Variants in ABCB8 observed in about 807,000 individuals in gnomAD.
ABCB8 encodes ATP binding cassette subfamily B member 8.
A neutral mutation model predicts 73.0 loss-of-function variants in ABCB8; 52 were observed. The ratio of observed to expected loss-of-function variants is 0.71; its 90% confidence interval spans 0.57 to 0.90. The LOEUF (loss-of-function observed/expected upper bound fraction) is 0.90. Ranked by LOEUF, ABCB8 falls within the 40% of genes least tolerant of loss-of-function variation. ABCB8 has a pLI of 0.00. For synonymous variants in ABCB8, 428 were observed against 423.5 expected (o/e 1.01, Z -0.13); for missense variants, 909 against 974.6 (o/e 0.93, Z 0.90).
intron 14 of ABCB8, among the ~76,000 whole-genome samples, chr7:151,043,170 G>C (rs1403369215): frequency 6.6e-6 from 1 of 152,248 alleles, no homozygotes; most frequent in East Asian, 1.9e-4. Flanking sequence ...AGGCTGGGAA[G>C]GTGGCTTGGA....
intron 15 of ABCB8, 101 bp downstream of exon 15, chr7:151,044,322 C>T: frequency 2.6e-6 from 4 of 1,523,556 alleles, no homozygotes; most frequent in Middle Eastern, 1.8e-4. Flanking sequence ...GGCCTGGCCC[C>T]AGGGCCTTGG....
At position 151,035,962 on chromosome 7, in the gene ABCB8, AGAG is replaced by A. The variant is rs1324033569; in HGVS notation, c.1012_1013+1del. On this transcript the variant is annotated inframe_deletion and splice_region_variant, in exon 7 of 16. Transcript: ENST00000358849. ...GTGCCTTCGCCATGGAGCAACGGGA[AGAG>A]GAGTGAGTCCTGGGAGGGCGGAGCA... is the stretch of plus-strand genomic sequence containing the variant. 5 of 1,613,774 alleles carry A rather than the reference AGAG, an allele frequency of 3.1e-6. No individual in the cohort carries two copies. The highest frequency in any genetic ancestry group is 4.2e-6 in the Non-Finnish European group (5 of 1,180,038).
At chr7:151,042,658 G>A (rs1290884937) in intron 14 of ABCB8, among the ~76,000 whole-genome samples, 2 of 152,252 alleles carry the variant, frequency 1.3e-5, no homozygotes, top group African/African-American at 4.8e-5. Flanking sequence ...GCACCTTGCA[G>A]CTTGACGTGC....
intron 1 of ABCB8, among the ~76,000 whole-genome samples, chr7:151,032,333 G>A (rs1427318618): frequency 1.3e-5 from 2 of 152,208 alleles, no homozygotes; most frequent in African/African-American, 2.4e-5. Context: ...ACTGCTGTGA[G>A]GGGAGTTACT....
At chr7:151,034,966 G>A (rs1796264049) in intron 5 of ABCB8, 137 bp downstream of exon 5, 1 of 736,722 alleles carries the variant, frequency 1.4e-6, no homozygotes, top group Non-Finnish European at 2.2e-6. Context: ...TGCCTGTGAG[G>A]GCATGGGTGA....
chr7:151,040,713 A>T (rs1796435431), intron 11 of ABCB8, 79 bp downstream of exon 11: 1 of 1,601,100 alleles, frequency 6.2e-7, no homozygotes. Flanking sequence ...GGAGGTCTGG[A>T]CTAATGTCCC....
chr7:151,037,699 G>A (rs1243751030), intron 9 of ABCB8: 5 of 329,254 alleles, frequency 1.5e-5, no homozygotes, highest in Non-Finnish European at 2.3e-5. Context: ...TTCTACTGAG[G>A]CATGTGTCCT....
intron 4 of ABCB8, 33 bp from the exon 5 acceptor site, chr7:151,034,691 C>T (rs1796256045): frequency 7.5e-6 from 12 of 1,610,330 alleles, no homozygotes; most frequent in South Asian, 1.1e-5. Context: ...TCTCCCTCTT[C>T]TGCCCTCCTT....
chr7:151,046,432 A>T lies in ABCB8; in HGVS notation c.*1083A>T. On this transcript the variant is annotated 3_prime_UTR_variant, in exon 16 of 16. Coordinates refer to ENST00000358849, the MANE Select transcript of ABCB8 (RefSeq NM_007188.5). Reference sequence around the variant, plus strand: ...ACTGTGGATGAGGGGGCTAGGCTCCAGCTGGCTTCTGAGGGGCCTGGAAAG... The same window carrying T: ...ACTGTGGATGAGGGGGCTAGGCTCCTGCTGGCTTCTGAGGGGCCTGGAAAG... The T allele has an allele frequency of 6.6e-6, 1 of 152,312 alleles. No individual in the cohort carries two copies. Among genetic ancestry groups the T allele is most frequent in the Middle Eastern group, 3.1e-3 (1 of 320 alleles). 9.4% of individuals were successfully genotyped at this position (152,312 alleles called of 1,614,324 possible).
intron 2 of ABCB8, 26 bp from the exon 3 acceptor site, chr7:151,034,247 T>C (rs1584948387): frequency 1.9e-6 from 3 of 1,596,946 alleles, no homozygotes; most frequent in Non-Finnish European, 2.6e-6. Flanking sequence ...CTTAAAACAT[T>C]TGTGCCCTCT....
At chr7:151,028,822 G>C (rs768183779) in intron 1 of ABCB8, 1 of 1,556,492 alleles carries the variant, frequency 6.4e-7, no homozygotes, top group Admixed American at 1.8e-5. Context: ...GTCTGCAGCC[G>C]CGTGTCAGCC....
At position 151,045,409 on chromosome 7, in the gene ABCB8, T is replaced by C. The variant is rs1796588869; in HGVS notation, c.*60T>C. ...TCAGTGTTAGGGCTGGGGCTCAGCC[T>C]GGGGGAGCCTACTGGGGACTGAGCC... On this transcript the variant is annotated 3_prime_UTR_variant, in exon 16 of 16. Transcript: ENST00000358849. The C allele has an allele frequency of 7.1e-7, 1 of 1,415,222 alleles. No homozygotes were observed. Among genetic ancestry groups the C allele is most frequent in the Admixed American group, 2.9e-5 (1 of 34,444 alleles). 87.7% of individuals were successfully genotyped at this position (1,415,222 alleles called of 1,614,324 possible).
chr7:151,031,127 C>G, intron 1 of ABCB8: 1 of 683,046 alleles, frequency 1.5e-6, no homozygotes, highest in Non-Finnish European at 2.5e-6. Flanking sequence ...TCAGATTGTC[C>G]TGCACCTCTA....
In ABCB8 at chr7:151,036,734, T is replaced by A; in HGVS notation, c.1217+85T>A. The A allele has an allele frequency of 1.3e-5, 16 of 1,188,096 alleles. No individual in the cohort carries two copies. The South Asian group carries it at 1.9e-4, about 14-fold the overall frequency. 73.6% of individuals were successfully genotyped at this position (1,188,096 alleles called of 1,614,324 possible). The stretch of plus-strand genomic sequence containing the variant: ...GGTTAGGGGACACGGGTGCCAGCCT[T>A]CTCTGGGGGCCGACTGCTGTGCAGC... On this transcript the variant is annotated intron_variant, in intron 9 of 15. Transcript: ENST00000358849.
Position 151,045,411 on chromosome 7 carries a change from G to A in ABCB8, c.*62G>A. 2.1e-6 allele frequency: 3 copies of A among 1,415,012 alleles called. No individual in the cohort carries two copies. Among genetic ancestry groups the A allele is most frequent in the South Asian group, 3.2e-5 (2 of 61,956 alleles). The allele number at this position is 1,415,012 out of a possible 1,614,324, so 87.7% of individuals were successfully genotyped here. On this transcript the variant is annotated 3_prime_UTR_variant, in exon 16 of 16. Transcript: ENST00000358849. ...AGTGTTAGGGCTGGGGCTCAGCCTG[G>A]GGGAGCCTACTGGGGACTGAGCCCC...
intron 5 of ABCB8, 122 bp downstream of exon 5, chr7:151,034,951 C>A: frequency 1.2e-6 from 1 of 827,574 alleles, no homozygotes; most frequent in Non-Finnish European, 1.9e-6. Flanking sequence ...ACTCGAGAAA[C>A]CCACTGCCTG....
intron 7 of ABCB8, 28 bp downstream of exon 7, chr7:151,035,995 G>A: frequency 6.2e-7 from 1 of 1,613,458 alleles, no homozygotes; most frequent in Non-Finnish European, 8.5e-7. Flanking sequence ...GGAGCACAAA[G>A]CAGAGATGCC....
chr7:151,041,868 A>C, intron 13 of ABCB8, 93 bp from the exon 14 acceptor site: 1 of 1,440,486 alleles, frequency 6.9e-7, no homozygotes, highest in Non-Finnish European at 9.5e-7. Context: ...AATCCACCAG[A>C]TAGACTGTCC....
chr7:151,032,268 G>A (rs1796184126), intron 1 of ABCB8, among the ~76,000 whole-genome samples: 1 of 152,204 alleles, frequency 6.6e-6, no homozygotes, highest in Non-Finnish European at 1.5e-5. Context: ...AGGGCTTCAA[G>A]CTGTTTTGTG....
Sources: allele counts gnomAD v4.1 joint callset (sites outside exome capture counted in the v4.1 genomes callset), GRCh38; gene constraint gnomAD v4.1.1; transcripts MANE v1.5; gene names NCBI Gene and HGNC (gene_info 2026-07-23, HGNC 2026-07-21).